Variants in TNR observed in about 807,000 individuals in gnomAD.
TNR encodes tenascin-R.
TNR carries 45 observed loss-of-function variants against 150.4 expected under a neutral mutation model. The observed-to-expected ratio is 0.30, with a 90% confidence interval of 0.24 to 0.38. The LOEUF is 0.38. TNR is among the 10% of genes least tolerant of loss of function. The pLI is 1.00. For missense variants in TNR, 1,544 were observed against 1,759.1 expected, an observed-to-expected ratio of 0.88 and a Z score of 2.19; for synonymous variants, 687 against 678.4, an observed-to-expected ratio of 1.01 and a Z score of -0.20.
chr1:175,416,865 AG>A (rs1394146115), intron 2 of TNR, among the ~76,000 whole-genome samples: 1 of 152,034 alleles, frequency 6.6e-6, no homozygotes, highest in Admixed American at 6.6e-5. Context: ...AAAATTAGCC[AG>A]GCGTGGTGGC....
intron 3 of TNR, among the ~76,000 whole-genome samples, chr1:175,404,214 A>G (rs1302075660): frequency 6.6e-6 from 1 of 152,142 alleles, no homozygotes; most frequent in Non-Finnish European, 1.5e-5. Context: ...GGTGCTGGCT[A>G]TGGGATTTTG....
At chr1:175,536,305 C>T (rs996366547) in intron 1 of TNR, among the ~76,000 whole-genome samples, 1 of 151,884 alleles carries the variant, frequency 6.6e-6, no homozygotes, top group Non-Finnish European at 1.5e-5. Flanking sequence ...TTTTATGGAC[C>T]AAGCCATTAA....
At chr1:175,359,136 C>CTTCTT (rs1651466893) in intron 15 of TNR, among the ~76,000 whole-genome samples, 1 of 30,966 alleles carries the variant, frequency 3.2e-5, no homozygotes, top group African/African-American at 8.8e-5. Flanking sequence ...TTGGGGATAT[C>CTTCTT]TTCTTTTTTT....
At chr1:175,413,553 G>A (rs1005637856) in intron 2 of TNR, among the ~76,000 whole-genome samples, 12 of 152,194 alleles carry the variant, frequency 7.9e-5, no homozygotes, top group South Asian at 4.1e-4. Context: ...TAGAAGGCTC[G>A]AGGGGACTAG....
intron 1 of TNR, among the ~76,000 whole-genome samples, chr1:175,685,681 A>G (rs1466426324): frequency 1.3e-5 from 2 of 152,116 alleles, no homozygotes; most frequent in East Asian, 3.9e-4. Context: ...TCATCATATT[A>G]AGTATGTCAA....
chr1:175,324,274 A>C lies in TNR; in HGVS notation c.3957+82T>G. On this transcript the variant is annotated intron_variant, in intron 22 of 22. Coordinates refer to ENST00000367674, the MANE Select transcript of TNR (RefSeq NM_003285.3). ...TTTTAAAGGGAAATGAAGGACTCAC[A>C]TGTGCTTTTAAAATATAAAGCTAAG... 6.4e-6 allele frequency: 9 copies of C among 1,413,338 alleles called. No individual in the cohort carries two copies. The South Asian group carries it at 1.1e-4, about 18-fold the overall frequency. The allele number at this position is 1,413,338 out of a possible 1,614,324, so 87.5% of individuals were successfully genotyped here. A position where few individuals can be genotyped will look rare whatever the true frequency, so the allele number is the denominator to read the frequency against.
At chr1:175,714,695 T>C (rs1230650497) in intron 1 of TNR, among the ~76,000 whole-genome samples, 2 of 152,226 alleles carry the variant, frequency 1.3e-5, no homozygotes, top group Non-Finnish European at 2.9e-5. Flanking sequence ...GGAAAATCGA[T>C]AGGCGCTTTA....
intron 2 of TNR, among the ~76,000 whole-genome samples, chr1:175,426,432 A>T (rs554762455): frequency 1.3e-5 from 2 of 152,146 alleles, no homozygotes; most frequent in South Asian, 2.1e-4. Context: ...ACTCACAGGG[A>T]TGGATGAGGA....
At chr1:175,507,421 C>T (rs1384754816) in intron 2 of TNR, among the ~76,000 whole-genome samples, 1 of 152,204 alleles carries the variant, frequency 6.6e-6, no homozygotes, top group Non-Finnish European at 1.5e-5. Context: ...ACTGAACACT[C>T]CTATGTGCCA....
chr1:175,517,589 C>G (rs1380223014), intron 2 of TNR, among the ~76,000 whole-genome samples: 1 of 152,168 alleles, frequency 6.6e-6, no homozygotes, highest in Non-Finnish European at 1.5e-5. Context: ...TAGGCCAGTC[C>G]CCAATGGATA....
At position 175,542,799 on chromosome 1, in the gene TNR, T is replaced by G. The variant is rs190990127; in HGVS notation, c.-164-14430A>C. ...CACACATATAATTTTTTAAACTCTC[T>G]TTTTTCAACTAAAACTTATTCCACT... On this transcript the variant is annotated intron_variant, in intron 1 of 22. Transcript: ENST00000367674. 6.2e-4 allele frequency among the ~76,000 whole-genome samples: 95 copies of G among 152,356 alleles called. 1 individual carries two copies. The Middle Eastern group carries it at 0.027, about 44-fold the overall frequency.
At chr1:175,524,222 G>A (rs1659758099) in intron 2 of TNR, among the ~76,000 whole-genome samples, 2 of 152,142 alleles carry the variant, frequency 1.3e-5, no homozygotes, top group Admixed American at 1.3e-4. Flanking sequence ...TCAGAGTCCA[G>A]ATGGGGTGTG....
Position 175,321,317 on chromosome 1 carries a change from G to T in TNR, c.*2040C>A, listed in dbSNP as rs1649037541. 2 of 152,192 alleles carry T rather than the reference G, an allele frequency of 1.3e-5. No individual in the cohort carries two copies. The highest frequency in any genetic ancestry group is 4.8e-5 in the African/African-American group (2 of 41,444). 9.4% of individuals were successfully genotyped at this position (152,192 alleles called of 1,614,324 possible). A position where few individuals can be genotyped will look rare whatever the true frequency, so the allele number is the denominator to read the frequency against. On this transcript the variant is annotated 3_prime_UTR_variant, in exon 23 of 23. Transcript: ENST00000367674. ...GGCAAGGGAAGCGCCTCCATTCAAT[G>T]GTGGCTGGCTGCATCCCCATGAGGT... is the stretch of plus-strand genomic sequence containing the variant.
intron 1 of TNR, among the ~76,000 whole-genome samples, chr1:175,657,971 A>T: frequency 6.7e-6 from 1 of 148,880 alleles, no homozygotes. Flanking sequence ...GGGGGAATGG[A>T]GAGAGGACAA....
intron 1 of TNR, among the ~76,000 whole-genome samples, chr1:175,613,004 C>G (rs1275168700): frequency 6.6e-6 from 1 of 152,092 alleles, no homozygotes; most frequent in Non-Finnish European, 1.5e-5. Context: ...CCTTGAAAGA[C>G]CTTAAAAAAT....
chr1:175,559,097 A>G (rs1661309099), intron 1 of TNR, among the ~76,000 whole-genome samples: 2 of 152,162 alleles, frequency 1.3e-5, no homozygotes, highest in African/African-American at 4.8e-5. Flanking sequence ...CTAAAAATCT[A>G]TTTTTTAAAA....
At chr1:175,407,522 C>A (rs1654019068) in intron 2 of TNR, among the ~76,000 whole-genome samples, 1 of 152,204 alleles carries the variant, frequency 6.6e-6, no homozygotes, top group African/African-American at 2.4e-5. Flanking sequence ...AATAAACTCA[C>A]TGGGATGCAA....
At chr1:175,706,740 CAGG>C (rs1666851476) in intron 1 of TNR, among the ~76,000 whole-genome samples, 1 of 152,108 alleles carries the variant, frequency 6.6e-6, no homozygotes, top group African/African-American at 2.4e-5. Context: ...TGGGCCCGTG[CAGG>C]TAAAATCTAA....
At chr1:175,487,770 G>A (rs1235346734) in intron 2 of TNR, among the ~76,000 whole-genome samples, 3 of 152,184 alleles carry the variant, frequency 2.0e-5, no homozygotes, top group South Asian at 2.1e-4. Flanking sequence ...TGCCTGGTAC[G>A]TGGTAAGTTT....
Sources: gnomAD v4.1 joint callset for allele counts (sites outside exome capture counted in the v4.1 genomes callset) on GRCh38, gnomAD v4.1.1 for gene constraint, MANE v1.5 for transcripts, NCBI Gene and HGNC (gene_info 2026-07-23, HGNC 2026-07-21) for gene names.